ARMC2: variants seen among roughly 807,000 people sequenced by gnomAD.
ARMC2 encodes the protein armadillo repeat containing 2.
In ARMC2, 67 loss-of-function variants were observed where a neutral mutation model predicts 90.3. That is an observed-to-expected ratio of 0.74 (90% CI 0.61 to 0.91). The LOEUF is 0.91. Ranked by LOEUF, ARMC2 falls within the 40% of genes least tolerant of loss-of-function variation. The probability of loss-of-function intolerance (pLI) is 0.00; values close to 1 mark genes in which losing one functional copy is unlikely to be tolerated. For missense variants in ARMC2, 920 were observed against 1,030.9 expected, an observed-to-expected ratio of 0.89 and a Z score of 1.47; for synonymous variants, 393 against 393.0, an observed-to-expected ratio of 1.00 and a Z score of 0.00.
chr6:108,912,340 T>C lies in ARMC2; in HGVS notation c.1132T>C (p.Leu378=), dbSNP rs559658726. The C allele has an allele frequency of 6.3e-7, 1 of 1,595,594 alleles. No homozygotes were observed. The highest frequency in any genetic ancestry group is 1.3e-5 in the African/African-American group (1 of 74,112). The change falls in exon 10 of 18, where the codon TTA becomes CTA. Residue 378 remains leucine, a synonymous_variant. Coordinates refer to ENST00000392644, the MANE Select transcript of ARMC2 (RefSeq NM_032131.6). ...ATAATTAATCTTTTTGACAGAATCA[T>C]TATTGGAGGTACTAAGAAGTGAAGA... ...LIQNDSILES[L]LEVLRSEDLQ...
intron 3 of ARMC2, among the ~76,000 whole-genome samples, chr6:108,861,421 A>G (rs1161495643): frequency 6.6e-6 from 1 of 152,246 alleles, no homozygotes; most frequent in Non-Finnish European, 1.5e-5. Context: ...ACAGTCTCCT[A>G]CATAACCATG....
chr6:108,985,177 C>T, the ARMC2 span, among the ~76,000 whole-genome samples: 1 of 152,142 alleles, frequency 6.6e-6, no homozygotes, highest in African/African-American at 2.4e-5. Context: ...GCTTATCCAA[C>T]AAGTTTTACT....
chr6:108,988,438 G>C, the ARMC2 span: 1 of 985,232 alleles, frequency 1.0e-6, no homozygotes, highest in Non-Finnish European at 1.4e-6. Context: ...TTTTTCTTTG[G>C]GTTGGTAGGG....
the ARMC2 span, chr6:108,992,816 C>G: frequency 1.8e-5 from 29 of 1,613,330 alleles, no homozygotes; most frequent in Non-Finnish European, 2.4e-5. Flanking sequence ...ACATGCATCC[C>G]ATGTCTAGAG....
intron 4 of ARMC2, among the ~76,000 whole-genome samples, chr6:108,872,182 G>A (rs73765516): frequency 0.02 from 3,053 of 152,274 alleles, 117 homozygotes; most frequent in African/African-American, 0.07. Context: ...AGGCAGGGCC[G>A]GGGTGTGGTG....
intron 4 of ARMC2, among the ~76,000 whole-genome samples, chr6:108,869,463 G>A (rs1346370491): frequency 1.3e-5 from 2 of 152,112 alleles, no homozygotes; most frequent in South Asian, 2.1e-4. Context: ...AGCTGAGATC[G>A]TGCCACTGCA....
rs575129176 is a variant in ARMC2, at chr6:108,867,565, G to A, written c.292-1259G>A. On this transcript the variant is annotated intron_variant, in intron 3 of 17. Coordinates refer to ENST00000392644, the MANE Select transcript of ARMC2 (RefSeq NM_032131.6). ...GTGGCTCACCTGAGGTCAGGAGTTCGCGACCAGTCTGACTAACAGGGTGAA... is the reference window on the plus strand; with the variant it reads ...GTGGCTCACCTGAGGTCAGGAGTTCACGACCAGTCTGACTAACAGGGTGAA... 4.6e-3 allele frequency among the ~76,000 whole-genome samples: 700 copies of A among 152,122 alleles called. 11 individuals carry two copies. Among genetic ancestry groups the A allele is most frequent in the African/African-American group, 0.016 (671 of 41,484 alleles).
chr6:108,941,863 A>G (rs1776467396), intron 12 of ARMC2, among the ~76,000 whole-genome samples: 1 of 152,192 alleles, frequency 6.6e-6, no homozygotes, highest in Non-Finnish European at 1.5e-5. Context: ...ACTTATAATA[A>G]AGATTGAAAT....
chr6:108,903,281 A>G (rs956793431), intron 7 of ARMC2, among the ~76,000 whole-genome samples: 2 of 151,842 alleles, frequency 1.3e-5, no homozygotes, highest in Non-Finnish European at 2.9e-5. Flanking sequence ...TTTTTATTTT[A>G]TTTTATTTTG....
Position 108,910,961 on chromosome 6 carries a change from TGAGAAGAA to T in ARMC2, c.1087_1094del (p.Glu363Ter), listed in dbSNP as rs1164536371. 3.2e-6 allele frequency: 5 copies of T among 1,585,050 alleles called. No homozygotes were observed. In the African/African-American group the frequency reaches 6.7e-5, roughly 21 times the overall value. ...AACTTATATTTAAAATTAGCAGGAA[TGAGAAGAA>T]TGATTCTTTGATTCAAAATGACAGC... On this transcript the variant is annotated frameshift_variant, in exon 9 of 18. Transcript: ENST00000392644. LOFTEE classifies it high-confidence loss of function.
chr6:109,038,557 G>A, the ARMC2 span, among the ~76,000 whole-genome samples: 7 of 152,204 alleles, frequency 4.6e-5, no homozygotes, highest in Non-Finnish European at 7.3e-5. Context: ...ACAATGAGAT[G>A]TTGACTCTAA....
intron 8 of ARMC2, chr6:108,907,747 G>A: frequency 1.2e-6 from 2 of 1,610,678 alleles, no homozygotes; most frequent in Non-Finnish European, 1.7e-6. Flanking sequence ...AGTACCAGTA[G>A]TAACCTCTTT....
At chr6:108,916,745 G>A (rs914814720) in intron 10 of ARMC2, among the ~76,000 whole-genome samples, 3 of 152,194 alleles carry the variant, frequency 2.0e-5, no homozygotes, top group East Asian at 1.9e-4. Context: ...GTTAGGGTTC[G>A]TCTGTGACCT....
chr6:108,953,459 C>A (rs1777350830), intron 13 of ARMC2, 108 bp downstream of exon 13: 4 of 1,164,996 alleles, frequency 3.4e-6, no homozygotes, highest in Non-Finnish European at 4.7e-6. Flanking sequence ...ACAAGTGGCT[C>A]CCTATGAGAA....
the ARMC2 span, among the ~76,000 whole-genome samples, chr6:109,001,827 C>G: frequency 6.6e-6 from 1 of 152,172 alleles, no homozygotes; most frequent in African/African-American, 2.4e-5. Flanking sequence ...AAACCGCCTA[C>G]TCTCACTCAA....
intron 5 of ARMC2, among the ~76,000 whole-genome samples, chr6:108,885,294 T>G (rs1275358924): frequency 1.3e-5 from 2 of 152,108 alleles, no homozygotes; most frequent in African/African-American, 2.4e-5. Context: ...ATTAAGTACC[T>G]TGGAGGACTT....
intron 6 of ARMC2, among the ~76,000 whole-genome samples, chr6:108,895,785 T>C (rs964144169): frequency 4.6e-5 from 7 of 152,118 alleles, no homozygotes; most frequent in Admixed American, 2.0e-4. Flanking sequence ...GCATGCGAAG[T>C]CAAGTGTAGT....
chr6:108,916,499 G>C (rs1422733715), intron 10 of ARMC2, among the ~76,000 whole-genome samples: 1 of 152,226 alleles, frequency 6.6e-6, no homozygotes, highest in Non-Finnish European at 1.5e-5. Flanking sequence ...GGCAAAACTG[G>C]AGATGCGAGT....
chr6:108,929,881 G>A (rs1409681434), intron 11 of ARMC2, among the ~76,000 whole-genome samples: 1 of 152,110 alleles, frequency 6.6e-6, no homozygotes, highest in East Asian at 1.9e-4. Context: ...GCCAAGGTGG[G>A]TGGATCACTT....
Sources: gnomAD v4.1 joint callset for allele counts (sites outside exome capture counted in the v4.1 genomes callset) on GRCh38, gnomAD v4.1.1 for gene constraint, MANE v1.5 for transcripts, NCBI Gene and HGNC (gene_info 2026-07-23, HGNC 2026-07-21) for gene names.